Variants in LPIN1 observed in about 807,000 individuals in gnomAD.
LPIN1 encodes phosphatidate phosphatase LPIN1.
LPIN1 carries 71 observed loss-of-function variants against 107.5 expected under a neutral mutation model. The observed-to-expected ratio is 0.66, with a 90% CI of 0.55 to 0.80. LPIN1 has a LOEUF of 0.80. LPIN1 is among the 30% of genes least tolerant of loss of function. The probability of loss-of-function intolerance (pLI) is 0.00; values close to 1 mark genes in which losing one functional copy is unlikely to be tolerated. For missense variants in LPIN1, 1,043 were observed against 1,160.6 expected (o/e 0.90, Z 1.47); for synonymous variants, 445 against 452.6 (o/e 0.98, Z 0.21).
At chr2:11,764,786 A>T (rs1670518710) in intron 1 of LPIN1, among the ~76,000 whole-genome samples, 2 of 152,256 alleles carry the variant, frequency 1.3e-5, no homozygotes, top group African/African-American at 4.8e-5. Flanking sequence ...CGCTGTATGA[A>T]ATAGTCTCTT....
intron 20 of LPIN1, 131 bp downstream of exon 20, chr2:11,820,645 A>AT (rs1284803510): frequency 3.0e-6 from 2 of 676,704 alleles, no homozygotes. Flanking sequence ...TAATGAAAAA[A>AT]TGTATTTTAA....
Position 11,738,150 on chromosome 2 carries a change from C to T in LPIN1, c.-71-3199C>T, listed in dbSNP as rs186973245. 3.9e-3 allele frequency among the ~76,000 whole-genome samples: 589 copies of T among 152,096 alleles called. 1 individual carries two copies. The highest frequency in any genetic ancestry group is 7.7e-3 in the South Asian group (37 of 4,800). ...TAACACAGGAACGGAAAACCAAACACCGCATGTTCTCACTCATAAGTGGGA... is the reference window on the plus strand; with the variant it reads ...TAACACAGGAACGGAAAACCAAACATCGCATGTTCTCACTCATAAGTGGGA... On this transcript the variant is annotated intron_variant, in intron 1 of 21. Coordinates refer to the LPIN1 transcript ENST00000396097.
At chr2:11,706,204 A>G (rs1043177651) in intron 1 of LPIN1, among the ~76,000 whole-genome samples, 1 of 152,198 alleles carries the variant, frequency 6.6e-6, no homozygotes, top group African/African-American at 2.4e-5. Context: ...GTGAAAATGG[A>G]CTAATATGGT....
Position 11,771,780 on chromosome 2 carries a change from T to G in LPIN1, c.596+101T>G. Reference sequence around the variant, plus strand: ...TCCCCCATAATTCCTTATTCTTTTATGTGTTTTAGACCAGTGGTCCCCAAC... The same window carrying G: ...TCCCCCATAATTCCTTATTCTTTTAGGTGTTTTAGACCAGTGGTCCCCAAC... On this transcript the variant is annotated intron_variant, in intron 4 of 20. Coordinates refer to ENST00000674199, the MANE Select transcript of LPIN1 (RefSeq NM_001349206.2). The surrounding 1 kb of genome is among the most constrained non-coding windows in gnomAD (Gnocchi z 4.8). 7.7e-7 allele frequency: 1 copy of G among 1,298,684 alleles called. No homozygotes were observed. Among genetic ancestry groups the G allele is most frequent in the Non-Finnish European group, 1.1e-6 (1 of 938,798 alleles). 80.4% of individuals were successfully genotyped at this position (1,298,684 alleles called of 1,614,324 possible).
At chr2:11,776,858 G>T (rs145678558) in intron 6 of LPIN1, among the ~76,000 whole-genome samples, 1 of 152,308 alleles carries the variant, frequency 6.6e-6, no homozygotes, top group Non-Finnish European at 1.5e-5. Context: ...CTTAGCAAAT[G>T]AAGCTACGAT....
At chr2:11,699,013 C>G (rs1572341842) in intron 1 of LPIN1, among the ~76,000 whole-genome samples, 1 of 152,224 alleles carries the variant, frequency 6.6e-6, no homozygotes, top group Non-Finnish European at 1.5e-5. Flanking sequence ...TGTGGCCCAA[C>G]ACAACTTTGT....
intron 17 of LPIN1, among the ~76,000 whole-genome samples, chr2:11,805,990 G>A (rs1319818332): frequency 1.3e-5 from 2 of 152,106 alleles, no homozygotes; most frequent in South Asian, 2.1e-4. Context: ...TCTCCCATGC[G>A]AGTGAAATCT....
intron 1 of LPIN1, among the ~76,000 whole-genome samples, chr2:11,759,137 C>CTTTA: frequency 2.5e-5 from 1 of 39,658 alleles, no homozygotes; most frequent in African/African-American, 1.0e-4. Context: ...TCTTTCTTTT[C>CTTTA]TTTCTTTCTT....
chr2:11,710,459 A>T (rs79030667), intron 1 of LPIN1, among the ~76,000 whole-genome samples: 2 of 151,874 alleles, frequency 1.3e-5, no homozygotes, highest in Admixed American at 1.3e-4. Flanking sequence ...TGCACTGAAC[A>T]AGGACCTGAA....
intron 1 of LPIN1, among the ~76,000 whole-genome samples, chr2:11,762,084 ATCGGGGGT>A (rs368245714): frequency 1.3e-5 from 2 of 151,916 alleles, no homozygotes; most frequent in African/African-American, 4.8e-5. Flanking sequence ...CTGGCTATAA[ATCGGGGGT>A]TCCCATGACC....
chr2:11,690,498 C>T (rs375288566), intron 1 of LPIN1, among the ~76,000 whole-genome samples: 1 of 152,168 alleles, frequency 6.6e-6, no homozygotes, highest in African/African-American at 2.4e-5. Context: ...ACTCATCACT[C>T]GTTCATCAAT....
Position 11,802,934 on chromosome 2 carries a change from T to C in LPIN1, c.1914T>C (p.Asp638=), listed in dbSNP as rs779055151. The C allele has an allele frequency of 4.4e-5, 71 of 1,613,348 alleles. No homozygotes were observed. In the East Asian group the frequency reaches 1.6e-3, roughly 36 times the overall value. The part of the protein sequence containing the change: ...TRVKHESSSS[D]EERAAAKPSN... ...TAAAGCATGAATCATCCTCCAGTGA[T>C]GAGGAGCGCGCAGCTGCCAAGCCAT... is the stretch of plus-strand genomic sequence containing the variant. Residue 638 remains aspartate, a synonymous_variant, in exon 15 of 21, where the codon GAT becomes GAC. Transcript: ENST00000674199.
chr2:11,741,524 A>G, intron 2 of LPIN1: 1 of 1,013,026 alleles, frequency 9.9e-7, no homozygotes, highest in African/African-American at 1.6e-5. Context: ...AGAACTGCGT[A>G]AATTGGTTCC....
chr2:11,801,642 G>T (rs1053296204), intron 14 of LPIN1, among the ~76,000 whole-genome samples: 1 of 152,090 alleles, frequency 6.6e-6, no homozygotes. Context: ...TGGTTAATGG[G>T]TACAAACATA....
chr2:11,701,157 G>T (rs752282488), intron 1 of LPIN1, among the ~76,000 whole-genome samples: 6 of 152,102 alleles, frequency 3.9e-5, no homozygotes, highest in Non-Finnish European at 8.8e-5. Flanking sequence ...GCTCTTCCCA[G>T]ATGTCTTTCC....
chr2:11,798,451 C>T (rs759982228), intron 14 of LPIN1, among the ~76,000 whole-genome samples: 9 of 152,098 alleles, frequency 5.9e-5, no homozygotes, highest in Admixed American at 1.3e-4. Context: ...TGGAGAGCAG[C>T]GAGATACTTC....
intron 20 of LPIN1, among the ~76,000 whole-genome samples, chr2:11,822,722 A>G (rs1366168732): frequency 1.3e-5 from 2 of 152,192 alleles, no homozygotes; most frequent in Non-Finnish European, 1.5e-5. Context: ...CAGCCAAACC[A>G]TATCAGGATC....
chr2:11,749,722 G>A (rs1370786095), intron 1 of LPIN1, among the ~76,000 whole-genome samples: 3 of 152,184 alleles, frequency 2.0e-5, no homozygotes, highest in Admixed American at 6.5e-5. Flanking sequence ...GCGTTGTGCC[G>A]CTCCCACTCC....
chr2:11,768,432 AC>A (rs1671284637), intron 3 of LPIN1, among the ~76,000 whole-genome samples: 1 of 152,148 alleles, frequency 6.6e-6, no homozygotes, highest in African/African-American at 2.4e-5. Context: ...GCCCTAAGTT[AC>A]CACTAACCTT....
Sources: gnomAD v4.1 joint callset for allele counts (sites outside exome capture counted in the v4.1 genomes callset) on GRCh38, gnomAD v4.1.1 for gene constraint, Gnocchi (gnomAD v3.1) non-coding constraint, MANE v1.5 for transcripts, NCBI Gene and HGNC (gene_info 2026-07-23, HGNC 2026-07-21) for gene names.